The following ARHGAP6 variants were observed in gnomAD, a reference collection of about 807,000 sequenced individuals.
ARHGAP6 encodes the protein Rho GTPase activating protein 6, also known as rho GTPase-activating protein 6.
ARHGAP6 carries 16 observed loss-of-function variants against 55.7 expected under a neutral mutation model. The ratio of observed to expected loss-of-function variants is 0.29; its 90% CI spans 0.19 to 0.44. The LOEUF (loss-of-function observed/expected upper bound fraction) is 0.44, where lower values mean the gene tolerates loss of function less well. ARHGAP6 is among the 20% of genes least tolerant of loss of function. The probability of loss-of-function intolerance (pLI) is 1.00; values close to 1 mark genes in which losing one functional copy is unlikely to be tolerated. For synonymous variants in ARHGAP6, 382 were observed against 360.9 expected, an observed-to-expected ratio of 1.06 and a Z score of -0.66; for missense variants, 698 against 808.9, an observed-to-expected ratio of 0.86 and a Z score of 1.66.
intron 1 of ARHGAP6, among the ~76,000 whole-genome samples, chrX:11,579,126 A>T (rs181224620): frequency 0.024 from 2,697 of 111,089 alleles, 33 homozygotes; most frequent in Middle Eastern, 0.046. Flanking sequence ...AACATGGCAC[A>T]TGCATACATA....
intron 1 of ARHGAP6, among the ~76,000 whole-genome samples, chrX:11,527,212 T>G (rs954971605): frequency 7.2e-5 from 8 of 111,841 alleles, no homozygotes; most frequent in Non-Finnish European, 1.5e-4. Context: ...ACTTAACTTC[T>G]TCAAGCCTGA....
At chrX:11,433,652 T>C (rs2049960880) in intron 1 of ARHGAP6, among the ~76,000 whole-genome samples, 2 of 112,413 alleles carry the variant, frequency 1.8e-5, no homozygotes, top group South Asian at 3.7e-4. Flanking sequence ...GTGTTTCAGT[T>C]GTCTAAAGCC....
chrX:11,565,871 A>G (rs1344045361), intron 1 of ARHGAP6, among the ~76,000 whole-genome samples: 1 of 111,954 alleles, frequency 8.9e-6, no homozygotes, highest in Non-Finnish European at 1.9e-5. Flanking sequence ...TCAGGTACCA[A>G]CAGCAGATAA....
chrX:11,302,004 G>T (rs1182972485), intron 1 of ARHGAP6, among the ~76,000 whole-genome samples: 1 of 112,129 alleles, frequency 8.9e-6, no homozygotes, highest in Non-Finnish European at 1.9e-5. Flanking sequence ...TACGTAGTGT[G>T]ATAATACAGA....
intron 1 of ARHGAP6, among the ~76,000 whole-genome samples, chrX:11,419,643 T>C (rs140004304): frequency 1.5e-4 from 17 of 112,268 alleles, no homozygotes; most frequent in African/African-American, 5.5e-4. Context: ...CAGGGATTTG[T>C]GCCCATGTGG....
At chrX:11,503,849 CACACACACACACAAAGAGACACACAT>C (rs764016678) in intron 1 of ARHGAP6, among the ~76,000 whole-genome samples, 129 of 107,140 alleles carry the variant, frequency 1.2e-3, no homozygotes, top group African/African-American at 4.5e-3. Context: ...TTTGCACACA[CACACACACACACAAAGAGACACACAT>C]ACACACACAC....
rs1438680737 is a variant in ARHGAP6, at chrX:11,202,690, C to T, written c.749-5694G>A. On this transcript the variant is annotated intron_variant, in intron 2 of 12. Coordinates refer to ENST00000337414, the MANE Select transcript of ARHGAP6 (RefSeq NM_013427.3). ...GGGTGTGATTGTGGGCGCCTTTAAT[C>T]CCAGCTACTCAGGAGACTGAGGCAG... Among the ~76,000 whole-genome samples the T allele has an allele frequency of 4.8e-5, 5 of 105,040 alleles. No individual in the cohort carries two copies. In the Admixed American group the frequency reaches 5.2e-4, roughly 11 times the overall value. The allele number at this position is 105,040 out of a possible 115,157, so 91.2% of individuals were successfully genotyped here.
intron 1 of ARHGAP6, among the ~76,000 whole-genome samples, chrX:11,564,558 C>G (rs5979413): frequency 0.28 from 30,173 of 109,567 alleles, 3,248 homozygotes; most frequent in Middle Eastern, 0.39. Context: ...CATCTGAACA[C>G]AGTAAAATTT....
chrX:11,344,678 C>CAAAAAAAAAAAAAAAAAAAAAA (rs34123570), intron 1 of ARHGAP6, among the ~76,000 whole-genome samples: 9 of 28,270 alleles, frequency 3.2e-4, no homozygotes, highest in Admixed American at 5.7e-4. Context: ...AACTCCATCA[C>CAAAAAAAAAAAAAAAAAAAAAA]AAAAAAAAAA....
intron 1 of ARHGAP6, among the ~76,000 whole-genome samples, chrX:11,289,224 GT>G (rs1372461834): frequency 2.0e-4 from 22 of 109,189 alleles, no homozygotes; most frequent in South Asian, 7.8e-4. Flanking sequence ...AAAATCGTGT[GT>G]TTTTTTTTGT....
At chrX:11,416,476 AG>A (rs1740460141) in intron 1 of ARHGAP6, among the ~76,000 whole-genome samples, 3 of 111,417 alleles carry the variant, frequency 2.7e-5, no homozygotes, top group South Asian at 7.7e-4. Context: ...TTTTTAAAAT[AG>A]TGAGCACCAA....
intron 1 of ARHGAP6, among the ~76,000 whole-genome samples, chrX:11,547,964 A>G (rs760792997): frequency 1.5e-4 from 17 of 111,207 alleles, no homozygotes; most frequent in Non-Finnish European, 2.1e-4. Context: ...CTGGGACTCT[A>G]TGGACACTGG....
In ARHGAP6 at chrX:11,139,034, C is replaced by A. The variant is rs76652781; in HGVS notation, c.2754G>T (p.Glu918Asp). 1.2e-3 allele frequency: 1,399 copies of A among 1,207,171 alleles called. 14 individuals carry two copies. In the African/African-American group the frequency reaches 0.021, roughly 18 times the overall value. The change falls in exon 13 of 13, where the codon GAG (glutamate) becomes GAT (aspartate). Residue 918 changes from glutamate to aspartate, a missense_variant. This residue lies in a region of ARHGAP6 where 212 missense variants were observed against 208.7 expected (regional missense o/e 1.02). Transcript: ENST00000337414. ...TCAGTTTTTTCTGCGTGACCTGCTG[C>A]TCTCGCTCGGCTGCTTGGCCTCCCT... ...TDQGGQAAER[E>D]QQVTQKKLSS...
rs191494467 is a variant in ARHGAP6, at chrX:11,447,143, G to A, written c.589-192436C>T. On this transcript the variant is annotated intron_variant, in intron 1 of 12. Coordinates refer to ENST00000337414, the MANE Select transcript of ARHGAP6 (RefSeq NM_013427.3). The stretch of plus-strand genomic sequence containing the variant: ...GCACTTTCTCCAAGATGAGGGAGGA[G>A]GTACTTGAGTCTTCAAGGGAGTAAG... Among the ~76,000 whole-genome samples, 455 of 111,997 alleles carry A rather than the reference G, an allele frequency of 4.1e-3. 2 individuals are homozygous for A. Among genetic ancestry groups the A allele is most frequent in the African/African-American group, 0.014 (423 of 30,847 alleles).
intron 2 of ARHGAP6, among the ~76,000 whole-genome samples, chrX:11,199,147 G>T (rs2046584603): frequency 8.9e-6 from 1 of 111,963 alleles, no homozygotes; most frequent in South Asian, 3.7e-4. Context: ...TATAGTAGGG[G>T]TTTTTGGTAT....
chrX:11,405,329 C>G (rs1281684732), intron 1 of ARHGAP6, among the ~76,000 whole-genome samples: 1 of 112,191 alleles, frequency 8.9e-6, no homozygotes, highest in East Asian at 2.8e-4. Context: ...TCAAAATGAG[C>G]TTTTCATGCA....
intron 1 of ARHGAP6, among the ~76,000 whole-genome samples, chrX:11,508,489 A>G (rs1219400292): frequency 9.0e-6 from 1 of 111,174 alleles, no homozygotes; most frequent in African/African-American, 3.3e-5. Flanking sequence ...GCTTGCCCTG[A>G]CCCCGACTGT....
chrX:11,647,233 T>A (rs2052539293), intron 1 of ARHGAP6, among the ~76,000 whole-genome samples: 1 of 112,457 alleles, frequency 8.9e-6, no homozygotes, highest in South Asian at 3.6e-4. Context: ...TTGGTAGATT[T>A]GTGTGTTTAT....
At chrX:11,582,784 G>T (rs2051680265) in intron 1 of ARHGAP6, among the ~76,000 whole-genome samples, 1 of 110,788 alleles carries the variant, frequency 9.0e-6, no homozygotes, top group Non-Finnish European at 1.9e-5. Flanking sequence ...ATAACTGTGA[G>T]GTAATAGACA....
Sources: gnomAD v4.1 joint callset for allele counts (sites outside exome capture counted in the v4.1 genomes callset) on GRCh38, gnomAD v4.1.1 for gene constraint, gnomAD v4.1.1 regional missense constraint, MANE v1.5 for transcripts, NCBI Gene and HGNC (gene_info 2026-07-23, HGNC 2026-07-21) for gene names.